The following MYO16 variants were observed in gnomAD, a reference collection of about 807,000 sequenced individuals.
MYO16 encodes unconventional myosin-XVI.
Under a neutral mutation model 205.3 loss-of-function variants are expected in MYO16, and 94 were observed. The ratio of observed to expected loss-of-function variants is 0.46; its 90% CI spans 0.39 to 0.54. The LOEUF (loss-of-function observed/expected upper bound fraction) is 0.54. Among genes scored for constraint, MYO16 ranks in the 20% least tolerant of loss-of-function variants. MYO16 has a pLI of 0.00. For synonymous variants in MYO16, 988 were observed against 954.0 expected (o/e 1.04, Z -0.66); for missense variants, 2,315 against 2,387.5 (o/e 0.97, Z 0.63).
the MYO16 span, among the ~76,000 whole-genome samples, chr13:108,555,931 T>G: frequency 6.6e-6 from 1 of 152,238 alleles, no homozygotes; most frequent in East Asian, 1.9e-4. Context: ...CAGAATTTCC[T>G]TCTTTGTTGT....
the MYO16 span, among the ~76,000 whole-genome samples, chr13:108,516,185 A>G: frequency 6.6e-6 from 1 of 151,952 alleles, no homozygotes; most frequent in Non-Finnish European, 1.5e-5. Context: ...GTGGTGCGCC[A>G]TTTTTTAAGC....
rs1239006157 is a variant in MYO16, at chr13:108,667,600, C to T, written c.292+1451C>T. On this transcript the variant is annotated intron_variant, in intron 2 of 34. Transcript: ENST00000457511. Reference sequence around the variant, plus strand: ...ATGCCCATTAGGGTCATTGCTCCCTCCTGCCCATCTCATACCTTCCAGCAG... The same window carrying T: ...ATGCCCATTAGGGTCATTGCTCCCTTCTGCCCATCTCATACCTTCCAGCAG... 3.9e-5 allele frequency among the ~76,000 whole-genome samples: 6 copies of T among 152,260 alleles called. No individual in the cohort carries two copies. The East Asian group carries it at 1.2e-3, about 29-fold the overall frequency.
intron 27 of MYO16, chr13:109,065,506 G>A (rs1395786525): frequency 7.2e-6 from 3 of 419,530 alleles, no homozygotes; most frequent in Non-Finnish European, 1.4e-5. Flanking sequence ...TTGAAAGAAA[G>A]GGTAATAGGA....
chr13:109,138,199 G>A (rs1225006252), intron 31 of MYO16, among the ~76,000 whole-genome samples: 2 of 152,180 alleles, frequency 1.3e-5, no homozygotes, highest in South Asian at 2.1e-4. Flanking sequence ...AGAGACTGAT[G>A]TCAAAATGTG....
chr13:108,687,839 G>A (rs1271574782), intron 2 of MYO16, among the ~76,000 whole-genome samples: 2 of 152,264 alleles, frequency 1.3e-5, no homozygotes, highest in African/African-American at 4.8e-5. Context: ...GAGGCAGAAG[G>A]ACTGGGATAA....
chr13:108,505,374 G>C, the MYO16 span, among the ~76,000 whole-genome samples: 1 of 152,164 alleles, frequency 6.6e-6, no homozygotes, highest in Non-Finnish European at 1.5e-5. Context: ...ATCCTAACAA[G>C]TGTAAGGTCA....
chr13:108,765,689 G>A (rs1483667028), intron 4 of MYO16, among the ~76,000 whole-genome samples: 2 of 152,080 alleles, frequency 1.3e-5, no homozygotes, highest in East Asian at 3.9e-4. Flanking sequence ...TTTCACCATG[G>A]CAAACGTTTT....
chr13:108,693,614 T>A (rs1412119074), intron 2 of MYO16, among the ~76,000 whole-genome samples: 1 of 152,252 alleles, frequency 6.6e-6, no homozygotes, highest in Non-Finnish European at 1.5e-5. Context: ...AAAAACTTGG[T>A]TGATGCATTG....
chr13:108,858,347 T>C (rs1310476635), intron 11 of MYO16, among the ~76,000 whole-genome samples: 1 of 152,156 alleles, frequency 6.6e-6, no homozygotes, highest in East Asian at 1.9e-4. Flanking sequence ...TCCCCACAAA[T>C]AGAAAATCAC....
chr13:109,058,580 T>C (rs1053672475), intron 27 of MYO16, among the ~76,000 whole-genome samples: 26 of 152,198 alleles, frequency 1.7e-4, no homozygotes, highest in African/African-American at 5.8e-4. Flanking sequence ...TTTTAAAATA[T>C]TTTTTGCTAA....
chr13:108,854,838 C>T (rs1224800708), intron 10 of MYO16, among the ~76,000 whole-genome samples: 1 of 152,092 alleles, frequency 6.6e-6, no homozygotes, highest in South Asian at 2.1e-4. Context: ...ACATTCATGG[C>T]ATATTAAATT....
At chr13:108,652,544 C>T (rs1881059228) in intron 1 of MYO16, among the ~76,000 whole-genome samples, 2 of 152,126 alleles carry the variant, frequency 1.3e-5, no homozygotes, top group Admixed American at 1.3e-4. Context: ...AGCTCTGTAC[C>T]CATTCAACGT....
At chr13:108,717,070 CT>C (rs1883971095) in intron 3 of MYO16, among the ~76,000 whole-genome samples, 1 of 124,618 alleles carries the variant, frequency 8.0e-6, no homozygotes, top group South Asian at 2.4e-4. Flanking sequence ...AGATTTAACT[CT>C]TTACAAAAAA....
At chr13:108,686,997 T>C (rs1174878955) in intron 2 of MYO16, among the ~76,000 whole-genome samples, 2 of 152,180 alleles carry the variant, frequency 1.3e-5, no homozygotes, top group Non-Finnish European at 2.9e-5. Flanking sequence ...GATTCCACCA[T>C]GGTCAAGAAT....
rs558293050 is a variant in MYO16, at chr13:109,091,855, A to G, written c.3336-8930A>G. Among the ~76,000 whole-genome samples, 4 of 152,332 alleles carry G rather than the reference A, an allele frequency of 2.6e-5. No individual in the cohort carries two copies. The South Asian group carries it at 6.2e-4, about 24-fold the overall frequency. On this transcript the variant is annotated intron_variant, in intron 27 of 34. Coordinates refer to ENST00000457511, the MANE Select transcript of MYO16 (RefSeq NM_001198950.3). ...CCCAAATATTATTTTGTTGTTCACAATGAAGTAATTGGAATATAACCGTAA... is the reference window on the plus strand; with the variant it reads ...CCCAAATATTATTTTGTTGTTCACAGTGAAGTAATTGGAATATAACCGTAA...
rs913982382 is a variant in MYO16 at position 108,820,268 on chromosome 13, G to A, written c.868-69G>A. On this transcript the variant is annotated intron_variant, in intron 7 of 34. Coordinates refer to ENST00000457511, the MANE Select transcript of MYO16 (RefSeq NM_001198950.3). ...CCGGCTGTTAGTTGGACAGCACAGT[G>A]TATGACTTACTGATGTATCCTAGCT... is the stretch of plus-strand genomic sequence containing the variant. The A allele has an allele frequency of 7.8e-6, 9 of 1,148,378 alleles. No individual in the cohort carries two copies. In the Admixed American group the frequency reaches 7.9e-5, roughly 10 times the overall value. The allele number at this position is 1,148,378 out of a possible 1,614,324, so 71.1% of individuals were successfully genotyped here.
intron 19 of MYO16, 76 bp downstream of exon 19, chr13:108,962,571 C>T: frequency 9.6e-7 from 1 of 1,046,522 alleles, no homozygotes; most frequent in South Asian, 1.4e-5. Context: ...TGACTTGTCC[C>T]CACTTAGTGA....
At chr13:108,626,484 T>C (rs745430034), upstream of MYO16, among the ~76,000 whole-genome samples, 9 of 152,312 alleles carry the variant, frequency 5.9e-5, no homozygotes, top group Middle Eastern at 6.8e-3. Flanking sequence ...CATTTCTTGC[T>C]ACTGTCATCA....
chr13:109,008,999 A>G lies in MYO16; in HGVS notation c.2545A>G (p.Thr849Ala), dbSNP rs1885501532. 1.2e-6 allele frequency: 2 copies of G among 1,610,086 alleles called. No individual in the cohort carries two copies. Among genetic ancestry groups the G allele is most frequent in the South Asian group, 2.2e-5 (2 of 89,728 alleles). ...ECVQEGVTME[T>A]AYSPGNQNGV... ...TGTACAAGAGGGAGTTACCATGGAA[A>G]CAGCATATTCTCCTGGTAACCAGAA... is the stretch of plus-strand genomic sequence containing the variant. Residue 849 changes from threonine to alanine, a missense_variant, in exon 22 of 35, where the codon ACA (threonine) becomes GCA (alanine). Physicochemically the swap from Thr to Ala is moderately conservative, Grantham distance 58. Transcript: ENST00000457511.
Sources: allele counts gnomAD v4.1 joint callset (sites outside exome capture counted in the v4.1 genomes callset), GRCh38; gene constraint gnomAD v4.1.1; transcripts MANE v1.5; gene names NCBI Gene and HGNC (gene_info 2026-07-23, HGNC 2026-07-21).